Variants in PHF7 observed in about 807,000 individuals in gnomAD.
PHF7 encodes E3 ubiquitin-protein ligase PHF7.
A neutral mutation model predicts 47.5 loss-of-function variants in PHF7; 24 were observed. The observed-to-expected ratio is 0.51, with a 90% CI of 0.37 to 0.71. The LOEUF is 0.71. PHF7 is among the 30% of genes least tolerant of loss of function. The probability of loss-of-function intolerance (pLI) is 0.00; values close to 1 mark genes in which losing one functional copy is unlikely to be tolerated. For missense variants in PHF7, 361 were observed against 456.8 expected, an observed-to-expected ratio of 0.79 and a Z score of 1.91; for synonymous variants, 156 against 153.8, an observed-to-expected ratio of 1.01 and a Z score of -0.11.
intron 6 of PHF7, 105 bp downstream of exon 6, chr3:52,420,540 C>A: frequency 9.3e-7 from 1 of 1,072,356 alleles, no homozygotes; most frequent in Non-Finnish European, 1.4e-6. Context: ...TTTGATTCAC[C>A]AGTGAATCTG....
intron 6 of PHF7, among the ~76,000 whole-genome samples, chr3:52,420,681 CT>C (rs1305765729): frequency 2.0e-5 from 3 of 152,156 alleles, no homozygotes; most frequent in African/African-American, 4.8e-5. Flanking sequence ...CTAAGTGGGG[CT>C]TTCAGGAACG....
At chr3:52,412,456 T>C (rs550564634) in intron 1 of PHF7, among the ~76,000 whole-genome samples, 2 of 152,336 alleles carry the variant, frequency 1.3e-5, no homozygotes, top group South Asian at 2.1e-4. Flanking sequence ...CTAGGTCAAG[T>C]AATGGTTCTA....
intron 4 of PHF7, 101 bp from the exon 5 acceptor site, chr3:52,419,732 A>G (rs1010189457): frequency 1.3e-6 from 1 of 772,356 alleles, no homozygotes; most frequent in Non-Finnish European, 2.3e-6. Context: ...CACCCGGCCC[A>G]AGCTCTATTC....
At chr3:52,422,906 C>T (rs781597806) in intron 10 of PHF7, 25 bp downstream of exon 10, 3 of 1,613,748 alleles carry the variant, frequency 1.9e-6, no homozygotes, top group Non-Finnish European at 1.7e-6. Flanking sequence ...ATGGGCCGGC[C>T]TCAGAGCAAG....
chr3:52,419,789 C>G (rs1481059422), intron 4 of PHF7, 44 bp from the exon 5 acceptor site: 1 of 1,086,086 alleles, frequency 9.2e-7, no homozygotes, highest in Non-Finnish European at 1.4e-6. Context: ...TGCACTGTTT[C>G]ACTGATCATC....
rs192767919 is a variant in PHF7 at position 52,420,512 on chromosome 3, T to C, written c.413+77T>C. The C allele has an allele frequency of 3.0e-3, 4,334 of 1,427,216 alleles. 11 individuals are homozygous for C. The highest frequency in any genetic ancestry group is 3.3e-3 in the Non-Finnish European group (3,379 of 1,014,518). 88.4% of individuals were successfully genotyped at this position (1,427,216 alleles called of 1,614,324 possible). ...GCCACTAATGAAATCAGAGTCCAGT[T>C]CTCACAAGCAGGCCTGTTTTGATTC... is the stretch of plus-strand genomic sequence containing the variant. On this transcript the variant is annotated intron_variant, in intron 6 of 10. Coordinates refer to ENST00000327906, the MANE Select transcript of PHF7 (RefSeq NM_016483.7).
rs145451027 is a variant in PHF7, at chr3:52,414,069, T to G, written c.94+21T>G. The G allele has an allele frequency of 5.4e-3, 8,658 of 1,593,054 alleles. 67 individuals are homozygous for G. The highest frequency in any genetic ancestry group is 0.023 in the South Asian group (2,101 of 90,600). On this transcript the variant is annotated intron_variant, in intron 3 of 10. Coordinates refer to ENST00000327906, the MANE Select transcript of PHF7 (RefSeq NM_016483.7). ...GCCTGGTAAGAAAGACTGGAGCTTG[T>G]GTTCGCCCACTGCCTCCAGCCCTCA...
rs35790868 is a variant in PHF7 at position 52,412,201 on chromosome 3, GA to G, written c.-69-597del. Among the ~76,000 whole-genome samples, 178 of 143,568 alleles carry G rather than the reference GA, an allele frequency of 1.2e-3. 1 individual carries two copies. Among genetic ancestry groups the G allele is most frequent in the Middle Eastern group, 3.6e-3 (1 of 276 alleles). 94.2% of individuals were successfully genotyped at this position (143,568 alleles called of 152,430 possible). On this transcript the variant is annotated intron_variant, in intron 1 of 10. Transcript: ENST00000327906. ...TGGGCAACAATGAGAGACCCTGTCT[GA>G]AAAAAAAAAAAAGTGATAGAGCCTA... is the stretch of plus-strand genomic sequence containing the variant.
intron 4 of PHF7, 27 bp from the exon 5 acceptor site, chr3:52,419,806 A>T (rs761167942): frequency 4.0e-6 from 5 of 1,258,062 alleles, no homozygotes; most frequent in Non-Finnish European, 4.6e-6. Context: ...CATCATTGTT[A>T]ACAGCCTGGT....
chr3:52,415,811 T>G (rs1705605325), intron 4 of PHF7, among the ~76,000 whole-genome samples: 1 of 152,262 alleles, frequency 6.6e-6, no homozygotes, highest in Non-Finnish European at 1.5e-5. Context: ...TTGTTTCCAT[T>G]TGAGGACTAT....
At chr3:52,420,269 A>G (rs1232595485) in intron 5 of PHF7, 42 bp from the exon 6 acceptor site, 1 of 1,608,200 alleles carries the variant, frequency 6.2e-7, no homozygotes. Flanking sequence ...GTGTGTTTGC[A>G]TTTCTTGGGG....
Position 52,413,986 on chromosome 3 carries a change from T to C in PHF7, c.42-10T>C. ...AAGAACACCTTGTGCTTCTTATTTC[T>C]CTTGTATAGAAAATCTGCCAAGACT... On this transcript the variant is annotated splice_polypyrimidine_tract_variant and intron_variant, in intron 2 of 10. Coordinates refer to ENST00000327906, the MANE Select transcript of PHF7 (RefSeq NM_016483.7). 1 of 1,591,476 alleles carries C rather than the reference T, an allele frequency of 6.3e-7. No individual in the cohort carries two copies. Among genetic ancestry groups the C allele is most frequent in the Non-Finnish European group, 8.6e-7 (1 of 1,159,612 alleles).
intron 7 of PHF7, among the ~76,000 whole-genome samples, chr3:52,421,413 G>A (rs551336407): frequency 6.2e-4 from 94 of 152,238 alleles, no homozygotes; most frequent in Non-Finnish European, 1.1e-3. Context: ...CAGTACTGCC[G>A]AGCCCCATGG....
chr3:52,420,083 T>A, intron 5 of PHF7, 149 bp downstream of exon 5: 1 of 729,740 alleles, frequency 1.4e-6, no homozygotes, highest in Non-Finnish European at 2.4e-6. Context: ...CATATTCCTC[T>A]GGGGTATGGG....
intron 2 of PHF7, 52 bp downstream of exon 2, chr3:52,412,972 G>T (rs1347322170): frequency 7.1e-7 from 1 of 1,407,498 alleles, no homozygotes. Flanking sequence ...ATGGCCTGTG[G>T]TATAGGCTGC....
At position 52,419,827 on chromosome 3, in the gene PHF7, C is replaced by T. The variant is rs191349109; in HGVS notation, c.187-6C>T. 6,728 of 1,528,828 alleles carry T rather than the reference C, an allele frequency of 4.4e-3. 21 individuals are homozygous for T. Among genetic ancestry groups the T allele is most frequent in the Non-Finnish European group, 5.2e-3 (5,819 of 1,108,654 alleles). 94.7% of individuals were successfully genotyped at this position (1,528,828 alleles called of 1,614,324 possible). A position where few individuals can be genotyped will look rare whatever the true frequency, so the allele number is the denominator to read the frequency against. ...TGTTAACAGCCTGGTTCTACTGCCC[C>T]CGCAGATCTTATCTAGTAAGCTGCC... On this transcript the variant is annotated splice_region_variant and splice_polypyrimidine_tract_variant and intron_variant, in intron 4 of 10. Transcript: ENST00000327906.
intron 3 of PHF7, 114 bp from the exon 4 acceptor site, chr3:52,414,382 C>A (rs1032604881): frequency 2.9e-6 from 2 of 699,680 alleles, no homozygotes; most frequent in Admixed American, 2.4e-5. Context: ...GCCAAAATGA[C>A]CCTTTTCCTA....
intron 8 of PHF7, 165 bp downstream of exon 8, chr3:52,421,919 GGAA>G (rs1705802830): frequency 3.5e-6 from 2 of 572,834 alleles, no homozygotes; most frequent in Admixed American, 6.1e-5. Context: ...GAAGGGAGGG[GGAA>G]GAAGTTTGCG....
Position 52,423,165 on chromosome 3 carries a change from G to T in PHF7, c.994G>T (p.Asp332Tyr). Residue 332 changes from aspartate to tyrosine, a missense_variant, in exon 11 of 11, where the codon GAC becomes TAC. By Grantham distance (160) the Asp-to-Tyr change is radical (BLOSUM62 -3). Transcript: ENST00000327906. ...CCACCCTGAGGAACATTTCTGCAGA[G>T]ACAACACCTTGGAAGAGAATCCGGG... ...TFHPEEHFCR[D>Y]NTLEENPGLS... is the part of the protein sequence containing the mutation. 1 of 1,614,104 alleles carries T rather than the reference G, an allele frequency of 6.2e-7. No homozygotes were observed. The highest frequency in any genetic ancestry group is 8.5e-7 in the Non-Finnish European group (1 of 1,179,960).
Sources: gnomAD v4.1 joint callset for allele counts (sites outside exome capture counted in the v4.1 genomes callset) on GRCh38, gnomAD v4.1.1 for gene constraint, MANE v1.5 for transcripts, NCBI Gene and HGNC (gene_info 2026-07-23, HGNC 2026-07-21) for gene names.